Variants in CACNA2D2 observed in about 807,000 individuals in gnomAD.
The protein encoded by CACNA2D2 is calcium voltage-gated channel auxiliary subunit alpha2delta 2, also known as voltage-dependent calcium channel subunit alpha-2/delta-2.
CACNA2D2 carries 48 observed loss-of-function variants against 166.4 expected under a neutral mutation model. The ratio of observed to expected loss-of-function variants is 0.29; its 90% CI spans 0.23 to 0.37. The LOEUF (loss-of-function observed/expected upper bound fraction) is 0.37. CACNA2D2 is among the 10% of genes least tolerant of loss of function. The pLI is 1.00. For synonymous variants in CACNA2D2, 561 were observed against 573.7 expected (o/e 0.98, Z 0.32); for missense variants, 1,122 against 1,433.0 (o/e 0.78, Z 3.50).
chr3:50,366,428 C>A lies in CACNA2D2; in HGVS notation c.2638-90G>T. The A allele has an allele frequency of 6.8e-7, 1 of 1,462,640 alleles. No homozygotes were observed. The allele number at this position is 1,462,640 out of a possible 1,614,324, so 90.6% of individuals were successfully genotyped here. A position where few individuals can be genotyped will look rare whatever the true frequency, so the allele number is the denominator to read the frequency against. ...AGTCCAGTGGTTCAGAGTTGGGGGG[C>A]ATCACTCCCCCAGTCCTGGGAAGGC... On this transcript the variant is annotated intron_variant, in intron 30 of 37. Coordinates refer to ENST00000424201, the MANE Select transcript of CACNA2D2 (RefSeq NM_006030.4). The surrounding 1 kb of genome is among the most constrained non-coding windows in gnomAD (Gnocchi z 5.9).
rs1704072078 is a variant in CACNA2D2, at chr3:50,363,992, C to T, written c.*674G>A. The T allele has an allele frequency of 6.6e-6, 1 of 152,542 alleles. No individual in the cohort carries two copies. The highest frequency in any genetic ancestry group is 2.4e-5 in the African/African-American group (1 of 41,420). 9.4% of individuals were successfully genotyped at this position (152,542 alleles called of 1,614,324 possible). On this transcript the variant is annotated 3_prime_UTR_variant, in exon 38 of 38. Transcript: ENST00000424201. Reference sequence around the variant, plus strand: ...GTAAGCCCCTACACCCACCCCACCCCATAGTGTGTGTGTTTGTGCGTGTGC... The same window carrying T: ...GTAAGCCCCTACACCCACCCCACCCTATAGTGTGTGTGTTTGTGCGTGTGC...
rs183334917 is a variant in CACNA2D2, at chr3:50,393,096, G to A, written c.465+1013C>T. On this transcript the variant is annotated intron_variant, in intron 4 of 37. Transcript: ENST00000424201. ...GCATAGGCATGAGCCCCTGACACCC[G>A]ACAGCCAGCTGTGAATCTCTGCCAC... Among the ~76,000 whole-genome samples the A allele has an allele frequency of 9.9e-5, 15 of 152,252 alleles. No individual in the cohort carries two copies. In the East Asian group the frequency reaches 2.3e-3, roughly 24 times the overall value.
intron 3 of CACNA2D2, among the ~76,000 whole-genome samples, chr3:50,395,107 C>T (rs182034939): frequency 1.3e-5 from 2 of 152,302 alleles, no homozygotes; most frequent in African/African-American, 4.8e-5. Context: ...GCCTCGGGGG[C>T]CTTCTGCAGA....
intron 2 of CACNA2D2, among the ~76,000 whole-genome samples, chr3:50,472,006 G>T (rs1196357581): frequency 6.6e-6 from 1 of 152,210 alleles, no homozygotes; most frequent in Admixed American, 6.5e-5. Flanking sequence ...CACAGAAGTG[G>T]GAGGGGAACA....
At chr3:50,498,586 T>C (rs1698821466) in intron 1 of CACNA2D2, among the ~76,000 whole-genome samples, 1 of 152,168 alleles carries the variant, frequency 6.6e-6, no homozygotes, top group African/African-American at 2.4e-5. Flanking sequence ...TGCTCCATGA[T>C]GGCCTGTGTA....
intron 1 of CACNA2D2, among the ~76,000 whole-genome samples, chr3:50,490,625 T>C (rs914209077): frequency 6.6e-6 from 1 of 152,238 alleles, no homozygotes; most frequent in Non-Finnish European, 1.5e-5. Flanking sequence ...CCCAGGCTGC[T>C]GTGTAAGAGG....
chr3:50,493,927 T>C (rs1575781538), intron 1 of CACNA2D2, among the ~76,000 whole-genome samples: 1 of 152,142 alleles, frequency 6.6e-6, no homozygotes, highest in Non-Finnish European at 1.5e-5. Context: ...AGGCCAGAGC[T>C]CTTCCCAGGA....
chr3:50,447,653 G>C (rs1559957976), intron 2 of CACNA2D2, among the ~76,000 whole-genome samples: 1 of 152,160 alleles, frequency 6.6e-6, no homozygotes, highest in Non-Finnish European at 1.5e-5. Context: ...ACTGGGGCAA[G>C]TGGCCTGAGT....
rs4296588 is a variant in CACNA2D2, at chr3:50,473,909, G to A, written c.288+2209C>T. ...GAGCAGGACAGAGAGCCGCTGGAGCGCTGGCAGCCATCGGCAGGCAGAGAC... is the reference window on the plus strand; with the variant it reads ...GAGCAGGACAGAGAGCCGCTGGAGCACTGGCAGCCATCGGCAGGCAGAGAC... On this transcript the variant is annotated intron_variant, in intron 2 of 37. Transcript: ENST00000424201. Among the ~76,000 whole-genome samples the A allele has an allele frequency of 3.4e-3, 512 of 152,304 alleles. 5 individuals carry two copies. Among genetic ancestry groups the A allele is most frequent in the African/African-American group, 0.012 (483 of 41,556 alleles).
intron 1 of CACNA2D2, among the ~76,000 whole-genome samples, chr3:50,486,473 C>T (rs1698286645): frequency 6.6e-6 from 1 of 152,084 alleles, no homozygotes; most frequent in African/African-American, 2.4e-5. Context: ...CTCAACATGG[C>T]CTCCTGCCTT....
At chr3:50,378,699 T>G (rs1181989033) in intron 13 of CACNA2D2, among the ~76,000 whole-genome samples, 1 of 151,882 alleles carries the variant, frequency 6.6e-6, no homozygotes, top group African/African-American at 2.4e-5. Flanking sequence ...TGGGGGACGG[T>G]TGGACAATGG....
chr3:50,426,497 C>G (rs1033396742), intron 3 of CACNA2D2, among the ~76,000 whole-genome samples: 2 of 152,176 alleles, frequency 1.3e-5, no homozygotes, highest in Non-Finnish European at 2.9e-5. Flanking sequence ...TGTTGAGCTT[C>G]CAGGCCCGAC....
intron 5 of CACNA2D2, 129 bp from the exon 6 acceptor site, chr3:50,384,466 G>A: frequency 2.8e-6 from 3 of 1,071,904 alleles, no homozygotes; most frequent in Non-Finnish European, 4.1e-6. Context: ...AGAGACTATT[G>A]CAGTAGGAGA....
intron 3 of CACNA2D2, among the ~76,000 whole-genome samples, chr3:50,400,481 C>T (rs1265593876): frequency 1.3e-5 from 2 of 152,234 alleles, no homozygotes; most frequent in Non-Finnish European, 2.9e-5. Context: ...ACTTTGTGGC[C>T]CTCACATGAT....
At chr3:50,490,269 T>C (rs760617517) in intron 1 of CACNA2D2, among the ~76,000 whole-genome samples, 21 of 152,098 alleles carry the variant, frequency 1.4e-4, no homozygotes, top group Middle Eastern at 3.2e-3. Flanking sequence ...AGGACATTGC[T>C]CAGAACCAAT....
chr3:50,488,786 G>A (rs114506524), intron 1 of CACNA2D2, among the ~76,000 whole-genome samples: 2,922 of 151,738 alleles, frequency 0.019, 64 homozygotes, highest in Non-Finnish European at 0.026. Context: ...TGCAAGCTCC[G>A]CCCCTCGGGT....
chr3:50,410,315 T>C (rs1380021052), intron 3 of CACNA2D2, among the ~76,000 whole-genome samples: 1 of 152,204 alleles, frequency 6.6e-6, no homozygotes, highest in Non-Finnish European at 1.5e-5. Context: ...AGAAGTTCTG[T>C]TGTGAGCCAT....
At chr3:50,396,918 G>A (rs1302953502) in intron 3 of CACNA2D2, among the ~76,000 whole-genome samples, 2 of 152,184 alleles carry the variant, frequency 1.3e-5, no homozygotes, top group Non-Finnish European at 2.9e-5. Context: ...AGGGTCGATG[G>A]GGCTGCAGAC....
At position 50,379,586 on chromosome 3, in the gene CACNA2D2, T is replaced by C. The variant is rs779326054; in HGVS notation, c.998A>G (p.Asn333Ser). 4.3e-6 allele frequency: 7 copies of C among 1,613,872 alleles called. No individual in the cohort carries two copies. In the East Asian group the frequency reaches 1.3e-4, roughly 31 times the overall value. ...DDDYVNVASF[N>S]EKAQPVSCFT... Reference sequence around the variant, plus strand: ...GCATGACACAGGCTGTGCCTTCTCGTTGAACTGCAGGAACAGTAGGGTGGT... The same window carrying C: ...GCATGACACAGGCTGTGCCTTCTCGCTGAACTGCAGGAACAGTAGGGTGGT... The change falls in exon 11 of 38, where the codon AAC (asparagine) becomes AGC (serine). Residue 333 changes from asparagine to serine, a missense_variant. This residue lies in a region of CACNA2D2 where 840 missense variants were observed against 1,166.8 expected (regional missense o/e 0.72). Transcript: ENST00000424201. The surrounding 1 kb of genome is among the most constrained non-coding windows in gnomAD (Gnocchi z 6.5).
Sources: allele counts gnomAD v4.1 joint callset (sites outside exome capture counted in the v4.1 genomes callset), GRCh38; gene constraint gnomAD v4.1.1; regional missense constraint gnomAD v4.1.1; non-coding constraint Gnocchi (gnomAD v3.1); transcripts MANE v1.5; gene names NCBI Gene and HGNC (gene_info 2026-07-23, HGNC 2026-07-21).